The following CATSPERD variants were observed in gnomAD, a reference collection of about 807,000 sequenced individuals.
CATSPERD encodes the protein cation channel sperm-associated auxiliary subunit delta.
A neutral mutation model predicts 98.1 loss-of-function variants in CATSPERD; 86 were observed. The ratio of observed to expected loss-of-function variants is 0.88; its 90% CI spans 0.74 to 1.05. The LOEUF is 1.05. Among genes scored for constraint, CATSPERD ranks in the 50% least tolerant of loss-of-function variants. The probability of loss-of-function intolerance (pLI) is 0.00; values close to 1 mark genes in which losing one functional copy is unlikely to be tolerated. For missense variants in CATSPERD, 995 were observed against 1,005.7 expected (o/e 0.99, Z 0.14); for synonymous variants, 394 against 390.2 (o/e 1.01, Z -0.12).
At position 5,755,491 on chromosome 19, in the gene CATSPERD, C is replaced by T. The variant is rs117562628; in HGVS notation, c.1278+1246C>T. ...AGTATTCAATAAATTACATGAGGGC[C>T]GGGCGCGGTGGCTCCCGCCCGTAAT... On this transcript the variant is annotated intron_variant, in intron 13 of 21. Coordinates refer to ENST00000381624, the MANE Select transcript of CATSPERD (RefSeq NM_152784.4). 5.7e-3 allele frequency among the ~76,000 whole-genome samples: 865 copies of T among 152,132 alleles called. 7 individuals are homozygous for T. Among genetic ancestry groups the T allele is most frequent in the Non-Finnish European group, 9.5e-3 (649 of 68,010 alleles).
intron 4 of CATSPERD, among the ~76,000 whole-genome samples, chr19:5,733,347 T>TTC (rs145663384): frequency 7.4e-6 from 1 of 135,136 alleles, no homozygotes; most frequent in African/African-American, 2.8e-5. Context: ...TTTCTTTCTT[T>TTC]CTTCCTTCCT....
intron 9 of CATSPERD, among the ~76,000 whole-genome samples, chr19:5,747,590 C>A (rs1477142517): frequency 6.7e-6 from 1 of 148,620 alleles, no homozygotes; most frequent in Non-Finnish European, 1.5e-5. Context: ...TAACGGGGAT[C>A]TGGTTTTCTT....
At chr19:5,722,441 AC>A (rs2055509012) in intron 1 of CATSPERD, among the ~76,000 whole-genome samples, 1 of 152,172 alleles carries the variant, frequency 6.6e-6, no homozygotes, top group Non-Finnish European at 1.5e-5. Context: ...TTTTATAGAT[AC>A]GAAAGCATAC....
In CATSPERD at chr19:5,729,939, A is replaced by G; in HGVS notation, c.271A>G (p.Met91Val). Residue 91 changes from methionine to valine, a missense_variant, in exon 4 of 22, where the codon ATG (methionine) becomes GTG (valine). Transcript: ENST00000381624. The part of the protein sequence containing the change: ...SLLPFTIPTS[M>V]QVGVPEVTSA... ...CCTTCCATTTACCATCCCTACATCA[A>G]TGCAGGTAGTTATTTTACTGAGTGA... 6.4e-7 allele frequency: 1 copy of G among 1,564,232 alleles called. No individual in the cohort carries two copies. Among genetic ancestry groups the G allele is most frequent in the Non-Finnish European group, 8.8e-7 (1 of 1,138,980 alleles).
intron 4 of CATSPERD, 43 bp from the exon 5 acceptor site, chr19:5,733,813 G>T: frequency 7.6e-7 from 1 of 1,313,926 alleles, no homozygotes. Flanking sequence ...ATCAATGTTT[G>T]AAAAGATGCT....
chr19:5,723,696 C>A (rs1178636914), intron 1 of CATSPERD, among the ~76,000 whole-genome samples: 1 of 151,798 alleles, frequency 6.6e-6, no homozygotes, highest in Non-Finnish European at 1.5e-5. Context: ...GATCTCCTGA[C>A]TTCGTGATCC....
chr19:5,761,882 C>T lies in CATSPERD; in HGVS notation c.1428-1333C>T, dbSNP rs564184855. Among the ~76,000 whole-genome samples, 111 of 150,336 alleles carry T rather than the reference C, an allele frequency of 7.4e-4. 1 individual carries two copies. The highest frequency in any genetic ancestry group is 2.3e-3 in the African/African-American group (94 of 41,076). On this transcript the variant is annotated intron_variant, in intron 15 of 21. Coordinates refer to ENST00000381624, the MANE Select transcript of CATSPERD (RefSeq NM_152784.4). The stretch of plus-strand genomic sequence containing the variant: ...CTGGGACTACAGGCGTGTGCCACCA[C>T]GCCCGGCTAATTTTTGTTGTTGTTG...
At chr19:5,765,952 G>A (rs2056530186) in intron 16 of CATSPERD, 151 bp from the exon 17 acceptor site, 8 of 483,830 alleles carry the variant, frequency 1.7e-5, no homozygotes, top group Admixed American at 3.8e-5. Flanking sequence ...TGCAGTTACG[G>A]TGCATCCCAG....
Position 5,748,190 on chromosome 19 carries a change from AAGG to A in CATSPERD, c.842_844del (p.Gly281del). ...CTCGTCGACACCGTCCGGGTGAAAA[AAGG>A]AGACCAGACCTTGTTTTCTTCCATT... On this transcript the variant is annotated inframe_deletion, in exon 10 of 22. Coordinates refer to ENST00000381624, the MANE Select transcript of CATSPERD (RefSeq NM_152784.4). The A allele has an allele frequency of 1.9e-6, 3 of 1,613,956 alleles. No homozygotes were observed. The highest frequency in any genetic ancestry group is 2.5e-6 in the Non-Finnish European group (3 of 1,179,974).
chr19:5,759,228 C>A, intron 15 of CATSPERD, 84 bp downstream of exon 15: 1 of 1,212,540 alleles, frequency 8.2e-7, no homozygotes, highest in Non-Finnish European at 1.2e-6. Context: ...GGTCTGAGAT[C>A]AGACCCCCAG....
rs1373935845 is a variant in CATSPERD, at chr19:5,751,390, G to A, written c.988-257G>A. 1.2e-4 allele frequency among the ~76,000 whole-genome samples: 18 copies of A among 149,634 alleles called. No individual in the cohort carries two copies. In the South Asian group the frequency reaches 1.3e-3, roughly 11 times the overall value. Reference sequence around the variant, plus strand: ...AATACAAAGAAAAAAAAAATTAGCCGGGTGTGGTGGCTGCGCGTCTGTAGT... The same window carrying A: ...AATACAAAGAAAAAAAAAATTAGCCAGGTGTGGTGGCTGCGCGTCTGTAGT... On this transcript the variant is annotated intron_variant, in intron 11 of 21. Transcript: ENST00000381624.
intron 1 of CATSPERD, 106 bp from the exon 2 acceptor site, chr19:5,724,702 C>CA: frequency 8.4e-7 from 1 of 1,184,792 alleles, no homozygotes; most frequent in South Asian, 1.2e-5. Flanking sequence ...CCGTCCCCCC[C>CA]AAAAAAGAAC....
At chr19:5,775,373 C>A (rs962660024) in intron 20 of CATSPERD, 1 of 451,172 alleles carries the variant, frequency 2.2e-6, no homozygotes, top group African/African-American at 2.0e-5. Flanking sequence ...GCGAGGTGGC[C>A]ACGCCTGTAA....
intron 21 of CATSPERD, among the ~76,000 whole-genome samples, chr19:5,776,574 C>T (rs1283917905): frequency 6.6e-6 from 1 of 152,198 alleles, no homozygotes; most frequent in Non-Finnish European, 1.5e-5. Flanking sequence ...GCACCTGAGT[C>T]GCCCTCTCCT....
At chr19:5,739,942 G>A (rs1465650260) in intron 7 of CATSPERD, among the ~76,000 whole-genome samples, 1 of 151,870 alleles carries the variant, frequency 6.6e-6, no homozygotes, top group East Asian at 1.9e-4. Flanking sequence ...TTTTAGGTCA[G>A]GCAAAATCAT....
intron 12 of CATSPERD, among the ~76,000 whole-genome samples, chr19:5,753,026 T>TAA (rs1214148944): frequency 7.8e-6 from 1 of 127,568 alleles, no homozygotes; most frequent in Admixed American, 7.9e-5. Flanking sequence ...AGACTCCATG[T>TAA]CAAAAAAAAA....
At position 5,770,343 on chromosome 19, in the gene CATSPERD, T is replaced by A. The variant is rs890575927; in HGVS notation, c.1635-601T>A. Among the ~76,000 whole-genome samples, 6 of 148,460 alleles carry A rather than the reference T, an allele frequency of 4.0e-5. No individual in the cohort carries two copies. The East Asian group carries it at 1.2e-3, about 29-fold the overall frequency. ...TTCTCAGGAGGCTGAGGCAAGAGAA[T>A]CACTTGAACCCGGGAGAGAGAGGTT... is the stretch of plus-strand genomic sequence containing the variant. On this transcript the variant is annotated intron_variant, in intron 18 of 21. Coordinates refer to ENST00000381624, the MANE Select transcript of CATSPERD (RefSeq NM_152784.4).
At position 5,754,473 on chromosome 19, in the gene CATSPERD, A is replaced by C. The variant is rs527711395; in HGVS notation, c.1278+228A>C. Among the ~76,000 whole-genome samples, 5 of 134,366 alleles carry C rather than the reference A, an allele frequency of 3.7e-5. No homozygotes were observed. In the East Asian group the frequency reaches 8.7e-4, roughly 23 times the overall value. The allele number at this position is 134,366 out of a possible 152,430, so 88.1% of individuals were successfully genotyped here. ...GAGTGCAGTGGCGTGATCTCGGCTCACTGCAGCCTCCACCTCCTGGGCTCA... is the reference window on the plus strand; with the variant it reads ...GAGTGCAGTGGCGTGATCTCGGCTCCCTGCAGCCTCCACCTCCTGGGCTCA... On this transcript the variant is annotated intron_variant, in intron 13 of 21. Coordinates refer to ENST00000381624, the MANE Select transcript of CATSPERD (RefSeq NM_152784.4).
At chr19:5,741,950 T>G (rs1160535834) in intron 7 of CATSPERD, among the ~76,000 whole-genome samples, 1 of 151,346 alleles carries the variant, frequency 6.6e-6, no homozygotes, top group African/African-American at 2.4e-5. Context: ...GGCGAGTCAC[T>G]TGAACTTGGG....
Sources: allele counts gnomAD v4.1 joint callset (sites outside exome capture counted in the v4.1 genomes callset), GRCh38; gene constraint gnomAD v4.1.1; transcripts MANE v1.5; gene names NCBI Gene and HGNC (gene_info 2026-07-23, HGNC 2026-07-21).